Variants in SLC17A4 observed in about 807,000 individuals in gnomAD.
The protein encoded by SLC17A4 is probable small intestine urate exporter.
A neutral mutation model predicts 52.5 loss-of-function variants in SLC17A4; 33 were observed. The ratio of observed to expected loss-of-function variants is 0.63; its 90% CI spans 0.48 to 0.84. The LOEUF is 0.84. Ranked by LOEUF, SLC17A4 falls within the 40% of genes least tolerant of loss-of-function variation. The pLI is 0.00. For synonymous variants in SLC17A4, 225 were observed against 216.2 expected (o/e 1.04, Z -0.36); for missense variants, 585 against 597.1 (o/e 0.98, Z 0.21).
In SLC17A4 at chr6:25,779,816, C is replaced by T. The variant is rs75657640; in HGVS notation, c.*628C>T. 2,749 of 152,268 alleles carry T rather than the reference C, an allele frequency of 0.018. 76 individuals are homozygous for T. Among genetic ancestry groups the T allele is most frequent in the African/African-American group, 0.06 (2,497 of 41,508 alleles). 9.4% of individuals were successfully genotyped at this position (152,268 alleles called of 1,614,324 possible). A position where few individuals can be genotyped will look rare whatever the true frequency, so the allele number is the denominator to read the frequency against. On this transcript the variant is annotated 3_prime_UTR_variant, in exon 12 of 12. Coordinates refer to ENST00000377905, the MANE Select transcript of SLC17A4 (RefSeq NM_005495.3). Reference sequence around the variant, plus strand: ...TTTGGACAGTTACCTTCTTTCTGGCCATCTTGACTTCTGCCCCACATCTGC... The same window carrying T: ...TTTGGACAGTTACCTTCTTTCTGGCTATCTTGACTTCTGCCCCACATCTGC...
chr6:25,774,823 A>G (rs1429139041), intron 8 of SLC17A4, among the ~76,000 whole-genome samples: 1 of 152,244 alleles, frequency 6.6e-6, no homozygotes, highest in Non-Finnish European at 1.5e-5. Context: ...CATTGCCTTC[A>G]GGGCATTTTC....
At position 25,779,430 on chromosome 6, in the gene SLC17A4, C is replaced by T. The variant is rs1561817306; in HGVS notation, c.*242C>T. The T allele has an allele frequency of 2.4e-6, 1 of 416,938 alleles. No homozygotes were observed. The highest frequency in any genetic ancestry group is 4.2e-6 in the Non-Finnish European group (1 of 240,478). The allele number at this position is 416,938 out of a possible 1,614,324, so 25.8% of individuals were successfully genotyped here. On this transcript the variant is annotated 3_prime_UTR_variant, in exon 12 of 12. Transcript: ENST00000377905. The stretch of plus-strand genomic sequence containing the variant: ...GTGTTCTCCACTCTTCCACTGTTAT[C>T]CTAGTAAAAGCATCAGGGGCTGGGG...
At position 25,776,889 on chromosome 6, in the gene SLC17A4, G is replaced by A; in HGVS notation, c.1198G>A (p.Val400Met). Residue 400 changes from valine (V) to methionine (M), a missense_variant, in exon 10 of 12, where the codon GTG (valine) becomes ATG (methionine). Val to Met is a conservative substitution (Grantham distance 21). Coordinates refer to ENST00000377905, the MANE Select transcript of SLC17A4 (RefSeq NM_005495.3). ...CCACAGCATGACCATGACCTTCTTG[G>A]TGCTGTCTTCTGCCATCAGCAGCTT... is the stretch of plus-strand genomic sequence containing the variant. ...SSHSMTMTFL[V>M]LSSAISSFCE... is the part of the protein sequence containing the mutation. The A allele has an allele frequency of 6.2e-7, 1 of 1,613,880 alleles. No homozygotes were observed. The highest frequency in any genetic ancestry group is 8.5e-7 in the Non-Finnish European group (1 of 1,179,866).
At chr6:25,774,510 A>C (rs1380758183) in intron 8 of SLC17A4, among the ~76,000 whole-genome samples, 1 of 152,184 alleles carries the variant, frequency 6.6e-6, no homozygotes, top group Admixed American at 6.5e-5. Context: ...GGCTGCAGGC[A>C]CTGAGATTAG....
At chr6:25,759,440 C>T (rs915441471) in intron 1 of SLC17A4, among the ~76,000 whole-genome samples, 2 of 152,136 alleles carry the variant, frequency 1.3e-5, no homozygotes, top group Non-Finnish European at 1.5e-5. Flanking sequence ...TATCTCATTT[C>T]TTAGGTCTAG....
At chr6:25,755,488 T>A (rs1293751905) in intron 1 of SLC17A4, among the ~76,000 whole-genome samples, 6 of 152,104 alleles carry the variant, frequency 3.9e-5, no homozygotes, top group African/African-American at 1.4e-4. Context: ...TAAGGAAAAG[T>A]CTCATTCTAC....
intron 2 of SLC17A4, among the ~76,000 whole-genome samples, chr6:25,764,331 C>T (rs1443002114): frequency 1.3e-5 from 2 of 152,194 alleles, no homozygotes; most frequent in Non-Finnish European, 2.9e-5. Flanking sequence ...GGTATCCTTT[C>T]TCCATATCAA....
intron 11 of SLC17A4, 101 bp downstream of exon 11, chr6:25,778,117 T>A: frequency 1.3e-6 from 1 of 754,964 alleles, no homozygotes; most frequent in Non-Finnish European, 2.1e-6. Context: ...GCTTTTAAAG[T>A]AGTCAAAAAT....
intron 1 of SLC17A4, among the ~76,000 whole-genome samples, chr6:25,755,048 TACACACAC>T (rs35878702): frequency 1.4e-4 from 21 of 145,036 alleles, no homozygotes; most frequent in South Asian, 4.4e-4. Context: ...CACACACACA[TACACACAC>T]ACACACACAC....
rs142316083 is a variant in SLC17A4, at chr6:25,755,815, G to A, written c.-37+1034G>A. On this transcript the variant is annotated intron_variant, in intron 1 of 11. Transcript: ENST00000377905. Reference sequence around the variant, plus strand: ...AAAATAAAGTTCTTGCTTTTCCTCTGGAACCTGTTGCCCTCCCTGCTCATT... The same window carrying A: ...AAAATAAAGTTCTTGCTTTTCCTCTAGAACCTGTTGCCCTCCCTGCTCATT... Among the ~76,000 whole-genome samples, 557 of 152,236 alleles carry A rather than the reference G, an allele frequency of 3.7e-3. 2 individuals carry two copies. Among genetic ancestry groups the A allele is most frequent in the African/African-American group, 0.013 (522 of 41,524 alleles).
At chr6:25,761,510 G>T (rs1761528051) in intron 1 of SLC17A4, among the ~76,000 whole-genome samples, 1 of 152,098 alleles carries the variant, frequency 6.6e-6, no homozygotes, top group South Asian at 2.1e-4. Context: ...AAGGGTGTTT[G>T]CTATATTTTA....
rs768953045 is a variant in SLC17A4, at chr6:25,770,911, G to A, written c.620-15G>A. 6.2e-6 allele frequency: 10 copies of A among 1,608,146 alleles called. No homozygotes were observed. Among genetic ancestry groups the A allele is most frequent in the South Asian group, 3.3e-5 (3 of 90,982 alleles). ...GAGTCCTCTCACCCAGAACATCCTC[G>A]CCTCTTCTGTTCAGGGTCAATGCTG... is the stretch of plus-strand genomic sequence containing the variant. On this transcript the variant is annotated splice_polypyrimidine_tract_variant and intron_variant, in intron 5 of 11. Coordinates refer to ENST00000377905, the MANE Select transcript of SLC17A4 (RefSeq NM_005495.3).
chr6:25,757,495 T>C (rs1302010452), intron 1 of SLC17A4, among the ~76,000 whole-genome samples: 2 of 152,074 alleles, frequency 1.3e-5, no homozygotes, highest in Non-Finnish European at 2.9e-5. Flanking sequence ...ATAGGTCCAG[T>C]CCAGTGAAAA....
At chr6:25,770,702 T>C (rs1239041531) in intron 5 of SLC17A4, among the ~76,000 whole-genome samples, 1 of 152,236 alleles carries the variant, frequency 6.6e-6, no homozygotes, top group Non-Finnish European at 1.5e-5. Flanking sequence ...AAAATAATTT[T>C]ATAAGTCAGC....
rs1353274882 is a variant in SLC17A4 at position 25,761,992 on chromosome 6, A to G, written c.30A>G (p.Thr10=). 1 of 1,613,244 alleles carries G rather than the reference A, an allele frequency of 6.2e-7. No homozygotes were observed. Among genetic ancestry groups the G allele is most frequent in the Non-Finnish European group, 8.5e-7 (1 of 1,179,778 alleles). MSTGPDVKA[T]VGDISSDGNL... ...CTACCGGACCAGATGTCAAGGCTAC[A>G]GTGGGGGACATTTCCAGTGATGGCA... Residue 10 remains threonine, a synonymous_variant, in exon 2 of 12, where the codon ACA becomes ACG. Transcript: ENST00000377905.
chr6:25,777,229 A>T, intron 10 of SLC17A4: 1 of 408,094 alleles, frequency 2.5e-6, no homozygotes, highest in Non-Finnish European at 4.4e-6. Flanking sequence ...CTCTCTGTTG[A>T]GGAATGCAGC....
chr6:25,774,414 T>C (rs1423731421), intron 8 of SLC17A4, among the ~76,000 whole-genome samples: 2 of 152,178 alleles, frequency 1.3e-5, no homozygotes, highest in Non-Finnish European at 2.9e-5. Flanking sequence ...CCTTCTCGTA[T>C]TGATTGGGTT....
rs998103393 is a variant in SLC17A4, at chr6:25,777,114, G to A, written c.1268+155G>A. On this transcript the variant is annotated intron_variant, in intron 10 of 11. Coordinates refer to ENST00000377905, the MANE Select transcript of SLC17A4 (RefSeq NM_005495.3). ...TCCTACATCTAAATAATTCCTGGAAGAGACTCAAAGCTGGTGGACCATTGT... is the reference window on the plus strand; with the variant it reads ...TCCTACATCTAAATAATTCCTGGAAAAGACTCAAAGCTGGTGGACCATTGT... The A allele has an allele frequency of 2.1e-5, 18 of 842,038 alleles. No homozygotes were observed. In the East Asian group the frequency reaches 4.8e-4, roughly 22 times the overall value. 52.2% of individuals were successfully genotyped at this position (842,038 alleles called of 1,614,324 possible). A position where few individuals can be genotyped will look rare whatever the true frequency, so the allele number is the denominator to read the frequency against.
intron 1 of SLC17A4, among the ~76,000 whole-genome samples, chr6:25,758,897 A>G (rs1203586327): frequency 6.6e-6 from 1 of 151,770 alleles, no homozygotes; most frequent in Non-Finnish European, 1.5e-5. Flanking sequence ...TAGATTGTCT[A>G]TTTGTGCTCT....
Sources: allele counts gnomAD v4.1 joint callset (sites outside exome capture counted in the v4.1 genomes callset), GRCh38; gene constraint gnomAD v4.1.1; transcripts MANE v1.5; gene names NCBI Gene and HGNC (gene_info 2026-07-23, HGNC 2026-07-21).